Variants in MGAT5 observed in about 807,000 individuals in gnomAD.
MGAT5 encodes alpha-1,6-mannosylglycoprotein 6-beta-N-acetylglucosaminyltransferase A.
Under a neutral mutation model 94.3 loss-of-function variants are expected in MGAT5, and 30 were observed. The ratio of observed to expected loss-of-function variants is 0.32; its 90% confidence interval spans 0.24 to 0.43. The LOEUF (loss-of-function observed/expected upper bound fraction) is 0.43, where lower values mean the gene tolerates loss of function less well. MGAT5 is among the 20% of genes least tolerant of loss of function. The pLI is 1.00. For synonymous variants in MGAT5, 310 were observed against 322.9 expected (o/e 0.96, Z 0.43); for missense variants, 691 against 905.5 (o/e 0.76, Z 3.04).
At chr2:134,255,614 C>G (rs1682914494) in intron 1 of MGAT5, among the ~76,000 whole-genome samples, 1 of 152,124 alleles carries the variant, frequency 6.6e-6, no homozygotes, top group East Asian at 1.9e-4. Flanking sequence ...GCAGAGCAGA[C>G]TTGGTCTGTA....
intron 1 of MGAT5, among the ~76,000 whole-genome samples, chr2:134,245,247 C>T (rs567178261): frequency 2.0e-4 from 31 of 152,304 alleles, no homozygotes; most frequent in Non-Finnish European, 4.3e-4. Flanking sequence ...CTCCCAACCT[C>T]GTGATCCGCC....
intron 10 of MGAT5, among the ~76,000 whole-genome samples, chr2:134,401,358 TTC>T (rs1378556695): frequency 1.3e-5 from 2 of 152,152 alleles, no homozygotes; most frequent in Non-Finnish European, 2.9e-5. Flanking sequence ...GTATACAGGA[TTC>T]TGAGTTCCCA....
intron 1 of MGAT5, among the ~76,000 whole-genome samples, chr2:134,189,087 A>G (rs1689186198): frequency 6.6e-6 from 1 of 152,202 alleles, no homozygotes; most frequent in Non-Finnish European, 1.5e-5. Context: ...TTTACCAACC[A>G]AAAAGCTCCA....
At chr2:134,334,374 T>C (rs560294960) in intron 4 of MGAT5, among the ~76,000 whole-genome samples, 1 of 152,192 alleles carries the variant, frequency 6.6e-6, no homozygotes, top group Admixed American at 6.5e-5. Flanking sequence ...TTTTCTTTAG[T>C]CTTGTTTCAT....
chr2:134,313,111 T>C (rs1427587992), intron 2 of MGAT5, among the ~76,000 whole-genome samples: 1 of 151,764 alleles, frequency 6.6e-6, no homozygotes, highest in Admixed American at 6.6e-5. Context: ...TGGTTTCATA[T>C]TTCTTTGTCC....
chr2:134,189,602 G>GTTGTTTTTTTTTTTTTTTTTTTTTT (rs1689232395), intron 1 of MGAT5, among the ~76,000 whole-genome samples: 6 of 84,668 alleles, frequency 7.1e-5, no homozygotes, highest in African/African-American at 2.9e-4. Context: ...GTTTTTTTTT[G>GTTGTTTTTTTTTTTTTTTTTTTTTT]TTTTTTTTTT....
intron 1 of MGAT5, among the ~76,000 whole-genome samples, chr2:134,172,025 GA>G (rs1274403413): frequency 6.6e-6 from 1 of 152,204 alleles, no homozygotes; most frequent in Admixed American, 6.5e-5. Flanking sequence ...AATTTTTTCA[GA>G]GTAATTGGAC....
At chr2:134,341,555 C>T in intron 6 of MGAT5, 35 bp from the exon 7 acceptor site, 1 of 1,559,048 alleles carries the variant, frequency 6.4e-7, no homozygotes, top group Non-Finnish European at 8.7e-7. Context: ...GTATGTGGTT[C>T]AGTGTGAATC....
intron 8 of MGAT5, among the ~76,000 whole-genome samples, 172 bp from the exon 9 acceptor site, chr2:134,349,633 G>GTAGA (rs1232696285): frequency 6.6e-6 from 1 of 152,208 alleles, no homozygotes; most frequent in Non-Finnish European, 1.5e-5. Context: ...AGTGACACAA[G>GTAGA]TAGATGTTCG....
intron 4 of MGAT5, among the ~76,000 whole-genome samples, chr2:134,321,788 C>T (rs1687340631): frequency 6.6e-6 from 1 of 152,148 alleles, no homozygotes; most frequent in Non-Finnish European, 1.5e-5. Flanking sequence ...ATTTTCTTGA[C>T]ACCACGTTAT....
chr2:134,137,888 C>CTT (rs752475959), intron 1 of MGAT5, among the ~76,000 whole-genome samples: 6 of 126,780 alleles, frequency 4.7e-5, no homozygotes, highest in Non-Finnish European at 6.9e-5. Context: ...CCTTTCTTTT[C>CTT]TTTTTTTTTT....
chr2:134,301,050 A>C (rs1364159183), intron 2 of MGAT5, among the ~76,000 whole-genome samples: 3 of 152,018 alleles, frequency 2.0e-5, no homozygotes, highest in Non-Finnish European at 4.4e-5. Flanking sequence ...GGCACTCTCT[A>C]CTCTGATTTC....
chr2:134,406,656 G>A (rs746589621), intron 11 of MGAT5, among the ~76,000 whole-genome samples: 29 of 151,918 alleles, frequency 1.9e-4, no homozygotes, highest in South Asian at 4.2e-4. Context: ...AGGCTGAGTC[G>A]GGCAAATTGC....
At chr2:134,308,484 G>A (rs1489595532) in intron 2 of MGAT5, among the ~76,000 whole-genome samples, 8 of 152,170 alleles carry the variant, frequency 5.3e-5, no homozygotes, top group African/African-American at 1.7e-4. Flanking sequence ...CATGGAAAGT[G>A]TATATGGCAT....
intron 2 of MGAT5, among the ~76,000 whole-genome samples, chr2:134,278,722 C>T (rs1322709594): frequency 6.6e-6 from 1 of 152,178 alleles, no homozygotes; most frequent in East Asian, 1.9e-4. Context: ...CTACTGTGGC[C>T]AAATGTGCCT....
intron 1 of MGAT5, among the ~76,000 whole-genome samples, chr2:134,216,803 G>A (rs1263413314): frequency 6.6e-6 from 1 of 152,198 alleles, no homozygotes; most frequent in Non-Finnish European, 1.5e-5. Flanking sequence ...TGAAGCAGGT[G>A]AGAGTGGGAT....
At chr2:134,417,699 T>C (rs1684060060) in intron 12 of MGAT5, among the ~76,000 whole-genome samples, 1 of 152,176 alleles carries the variant, frequency 6.6e-6, no homozygotes, top group Non-Finnish European at 1.5e-5. Context: ...GAAGTTACTC[T>C]TTTAGTCTTT....
intron 12 of MGAT5, among the ~76,000 whole-genome samples, chr2:134,415,760 T>C (rs1683926634): frequency 1.3e-5 from 2 of 152,228 alleles, no homozygotes; most frequent in African/African-American, 2.4e-5. Context: ...AGGTCTTATA[T>C]TGAAGTCTAA....
intron 1 of MGAT5, among the ~76,000 whole-genome samples, chr2:134,176,564 CTCTG>C (rs1688473865): frequency 1.0e-5 from 1 of 96,130 alleles, no homozygotes; most frequent in Non-Finnish European, 1.9e-5. Context: ...CAGAGGGAGA[CTCTG>C]TCTTAAAAAA....
Sources: gnomAD v4.1 joint callset for allele counts (sites outside exome capture counted in the v4.1 genomes callset) on GRCh38, gnomAD v4.1.1 for gene constraint, MANE v1.5 for transcripts, NCBI Gene and HGNC (gene_info 2026-07-23, HGNC 2026-07-21) for gene names.